ZNF462: variants seen among roughly 807,000 people sequenced by gnomAD.
ZNF462 encodes zinc finger protein 462.
In ZNF462, 10 loss-of-function variants were observed where a neutral mutation model predicts 201.9. That is an observed-to-expected ratio of 0.05 (90% CI 0.03 to 0.08). ZNF462 has a LOEUF of 0.08. Ranked by LOEUF, ZNF462 falls within the 10% of genes least tolerant of loss-of-function variation. The pLI is 1.00. For missense variants in ZNF462, 2,523 were observed against 3,168.3 expected (o/e 0.80, Z 4.89); for synonymous variants, 1,227 against 1,193.3 (o/e 1.03, Z -0.58).
intron 10 of ZNF462, among the ~76,000 whole-genome samples, chr9:107,001,110 G>T (rs1030345370): frequency 6.6e-6 from 1 of 152,124 alleles, no homozygotes; most frequent in African/African-American, 2.4e-5. Context: ...GGTGAGAAGT[G>T]CAGGAGAAAG....
At chr9:106,986,170 G>A (rs1827818686) in intron 10 of ZNF462, among the ~76,000 whole-genome samples, 1 of 152,118 alleles carries the variant, frequency 6.6e-6, no homozygotes, top group Non-Finnish European at 1.5e-5. Context: ...AAATCACTGA[G>A]GAAATCCAGA....
In ZNF462 at chr9:106,902,453, TTC is replaced by T. The variant is rs138817871; in HGVS notation, c.-30-20887_-30-20886del. Reference sequence around the variant, plus strand: ...GATTCATAGAATGAATTAGGGAGGGTTCTCTCTCTCTCTCTGTCTTGTGGAAT... The same window carrying T: ...GATTCATAGAATGAATTAGGGAGGGTTCTCTCTCTCTCTGTCTTGTGGAAT... On this transcript the variant is annotated intron_variant, in intron 1 of 12. Transcript: ENST00000277225. The surrounding 1 kb of genome is among the most constrained non-coding windows in gnomAD (Gnocchi z 4.2). Among the ~76,000 whole-genome samples the T allele has an allele frequency of 0.012, 1,872 of 150,362 alleles. 31 individuals carry two copies. The highest frequency in any genetic ancestry group is 0.042 in the African/African-American group (1,736 of 41,236).
chr9:106,930,442 A>C lies in ZNF462; in HGVS notation c.5848-83A>C, dbSNP rs1830379323. 1 of 1,537,812 alleles carries C rather than the reference A, an allele frequency of 6.5e-7. No homozygotes were observed. The highest frequency in any genetic ancestry group is 1.9e-5 in the Admixed American group (1 of 52,946). ...AACCTGCTAATCGGCTTTAAAATAA[A>C]GTATGTTAGTAAACTGCAAGAATAA... On this transcript the variant is annotated intron_variant, in intron 3 of 12. Transcript: ENST00000277225. This position sits in a 1 kb window ranked among gnomAD's most constrained non-coding sequence, Gnocchi z 5.8.
Position 106,885,567 on chromosome 9 carries a change from A to C in ZNF462, c.-31+22212A>C, listed in dbSNP as rs1828281278. ...GTTCCTAATGCTTACCCAAGTTAAG[A>C]GGTTGAAGTGCCTCCAAGACTTTAA... On this transcript the variant is annotated intron_variant, in intron 1 of 12. Coordinates refer to ENST00000277225, the MANE Select transcript of ZNF462 (RefSeq NM_021224.6). This position sits in a 1 kb window ranked among gnomAD's most constrained non-coding sequence, Gnocchi z 4.1. 6.6e-6 allele frequency among the ~76,000 whole-genome samples: 1 copy of C among 152,168 alleles called. No homozygotes were observed. The highest frequency in any genetic ancestry group is 1.5e-5 in the Non-Finnish European group (1 of 68,028).
At chr9:106,863,815 G>A (rs1452375943) in intron 1 of ZNF462, among the ~76,000 whole-genome samples, 4 of 150,732 alleles carry the variant, frequency 2.7e-5, no homozygotes, top group African/African-American at 4.9e-5. Context: ...CAGGAGTAGG[G>A]ACAGAGGGGG....
At chr9:106,909,860 T>A (rs1447537098) in intron 1 of ZNF462, among the ~76,000 whole-genome samples, 1 of 152,240 alleles carries the variant, frequency 6.6e-6, no homozygotes, top group African/African-American at 2.4e-5. Context: ...TTTCTTGGAA[T>A]AACAGATACT....
intron 1 of ZNF462, among the ~76,000 whole-genome samples, chr9:106,864,039 G>GCCCT: frequency 4.4e-5 from 1 of 22,760 alleles, no homozygotes; most frequent in South Asian, 1.6e-3. Flanking sequence ...CAGGTATTTG[G>GCCCT]CTCTCTCTCT....
intron 7 of ZNF462, among the ~76,000 whole-genome samples, chr9:106,959,993 A>C (rs146479376): frequency 2.0e-5 from 3 of 152,008 alleles, no homozygotes; most frequent in Admixed American, 6.6e-5. Flanking sequence ...ATTTTCTTAC[A>C]CTGCATGGAA....
At chr9:106,862,944 G>T (rs1424558620), upstream of ZNF462, among the ~76,000 whole-genome samples, 2 of 152,022 alleles carry the variant, frequency 1.3e-5, no homozygotes. The surrounding 1 kb of genome is among the most constrained non-coding windows in gnomAD (Gnocchi z 4.2). Context: ...GGAGAAGATT[G>T]TCTTCCTTCT....
chr9:106,940,628 G>A (rs1007416360), intron 7 of ZNF462, among the ~76,000 whole-genome samples: 17 of 152,084 alleles, frequency 1.1e-4, no homozygotes, highest in Admixed American at 3.9e-4. Flanking sequence ...CTGGTGTCCC[G>A]GCCTTAAAGG....
rs1369267143 is a variant in ZNF462, at chr9:106,974,762, A to T, written c.6832+489A>T. The T allele has an allele frequency of 5.6e-6, 1 of 179,294 alleles. No individual in the cohort carries two copies. The highest frequency in any genetic ancestry group is 2.4e-5 in the African/African-American group (1 of 42,552). The allele number at this position is 179,294 out of a possible 1,614,324, so 11.1% of individuals were successfully genotyped here. On this transcript the variant is annotated intron_variant, in intron 9 of 12. Transcript: ENST00000277225. This position sits in a 1 kb window ranked among gnomAD's most constrained non-coding sequence, Gnocchi z 4.0. The stretch of plus-strand genomic sequence containing the variant: ...TTCTTTAAAATAATGTATATTATAC[A>T]TTCTAATAATAGTCTCTATTATATA...
At chr9:106,975,788 C>T (rs1223498828) in intron 9 of ZNF462, 2 of 152,220 alleles carry the variant, frequency 1.3e-5, no homozygotes, top group Non-Finnish European at 2.9e-5. Flanking sequence ...CTGGCAGGAA[C>T]AGAGCTTTGA....
Position 106,984,052 on chromosome 9 carries a change from T to C in ZNF462, c.6833-134T>C. On this transcript the variant is annotated intron_variant, in intron 9 of 12. Coordinates refer to ENST00000277225, the MANE Select transcript of ZNF462 (RefSeq NM_021224.6). This position sits in a 1 kb window ranked among gnomAD's most constrained non-coding sequence, Gnocchi z 6.4. ...GGGGTTAGGGGAGGGGCAGGGTGCATGTGTGTCAGTTCAAGGAACCAGATC... is the reference window on the plus strand; with the variant it reads ...GGGGTTAGGGGAGGGGCAGGGTGCACGTGTGTCAGTTCAAGGAACCAGATC... The C allele has an allele frequency of 1.4e-6, 1 of 731,374 alleles. No individual in the cohort carries two copies. Among genetic ancestry groups the C allele is most frequent in the Non-Finnish European group, 2.3e-6 (1 of 444,272 alleles). 45.3% of individuals were successfully genotyped at this position (731,374 alleles called of 1,614,324 possible). A position where few individuals can be genotyped will look rare whatever the true frequency, so the allele number is the denominator to read the frequency against.
intron 10 of ZNF462, among the ~76,000 whole-genome samples, chr9:106,992,302 A>G (rs1312294832): frequency 1.3e-5 from 2 of 152,158 alleles, no homozygotes; most frequent in African/African-American, 4.8e-5. Flanking sequence ...TTTACTCCCC[A>G]ACCACTAGCT....
At chr9:106,910,764 C>T (rs1489899417) in intron 1 of ZNF462, among the ~76,000 whole-genome samples, 1 of 152,114 alleles carries the variant, frequency 6.6e-6, no homozygotes, top group Non-Finnish European at 1.5e-5. Flanking sequence ...AATTAGCCAC[C>T]ATTTTTTTCT....
In ZNF462 at chr9:107,011,565, C is replaced by CA. The variant is rs1287986317; in HGVS notation, c.*538dup. ...AACAGTCACCTGTTTCCTAGTACCTCAAACTTAACCAAGGGAACTCTCTGC... is the reference window on the plus strand; with the variant it reads ...AACAGTCACCTGTTTCCTAGTACCTCAAAACTTAACCAAGGGAACTCTCTGC... On this transcript the variant is annotated 3_prime_UTR_variant, in exon 13 of 13. Transcript: ENST00000277225. This position sits in a 1 kb window ranked among gnomAD's most constrained non-coding sequence, Gnocchi z 5.6. 1 of 151,782 alleles carries CA rather than the reference C, an allele frequency of 6.6e-6. No homozygotes were observed. The highest frequency in any genetic ancestry group is 1.5e-5 in the Non-Finnish European group (1 of 68,302). 9.4% of individuals were successfully genotyped at this position (151,782 alleles called of 1,614,324 possible). A position where few individuals can be genotyped will look rare whatever the true frequency, so the allele number is the denominator to read the frequency against.
At chr9:106,964,156 C>T (rs1005673125) in intron 7 of ZNF462, among the ~76,000 whole-genome samples, 7 of 151,866 alleles carry the variant, frequency 4.6e-5, no homozygotes, top group African/African-American at 1.7e-4. Flanking sequence ...TCTTCAAGAT[C>T]TTAATTTCAG....
At chr9:106,912,870 C>G (rs1394632643) in intron 1 of ZNF462, among the ~76,000 whole-genome samples, 1 of 152,150 alleles carries the variant, frequency 6.6e-6, no homozygotes, top group Non-Finnish European at 1.5e-5. Context: ...AGAAAAAATT[C>G]TGTTTCTACC....
chr9:107,011,006 G>C lies in ZNF462; in HGVS notation c.7497G>C (p.Glu2499Asp), dbSNP rs1361082495. ...TAACTGCCGACAAATCTCTCCTGGA[G>C]AATGCAGAGGCCAAAAAAGAATGAG... Reference protein sequence around the residue: ...CVVTADKSLLENAEAKKE With the variant: ...CVVTADKSLLDNAEAKKE Residue 2499 changes from glutamate (E) to aspartate (D), a missense_variant, in exon 13 of 13, where the codon GAG (glutamate) becomes GAC (aspartate). Glu to Asp is a conservative substitution (Grantham distance 45). Around this residue, in one of 15 missense-constraint regions of ZNF462, gnomAD observed 67 missense variants for 63.2 expected, o/e 1.06. Coordinates refer to ENST00000277225, the MANE Select transcript of ZNF462 (RefSeq NM_021224.6). The surrounding 1 kb of genome is among the most constrained non-coding windows in gnomAD (Gnocchi z 5.6). The C allele has an allele frequency of 6.2e-7, 1 of 1,613,550 alleles. No homozygotes were observed. Among genetic ancestry groups the C allele is most frequent in the Non-Finnish European group, 8.5e-7 (1 of 1,179,858 alleles).
Sources: allele counts gnomAD v4.1 joint callset (sites outside exome capture counted in the v4.1 genomes callset), GRCh38; gene constraint gnomAD v4.1.1; regional missense constraint gnomAD v4.1.1; non-coding constraint Gnocchi (gnomAD v3.1); transcripts MANE v1.5; gene names NCBI Gene and HGNC (gene_info 2026-07-23, HGNC 2026-07-21).